Variants in CNGB3 observed in about 807,000 individuals in gnomAD.
The protein encoded by CNGB3 is cyclic nucleotide-gated channel beta-3.
In CNGB3, 86 loss-of-function variants were observed where a neutral mutation model predicts 92.8. The observed-to-expected ratio is 0.93, with a 90% confidence interval of 0.78 to 1.11. CNGB3 has a LOEUF of 1.11. CNGB3 is among the 50% of genes least tolerant of loss of function. The probability of loss-of-function intolerance (pLI) is 0.00; values close to 1 mark genes in which losing one functional copy is unlikely to be tolerated. For synonymous variants in CNGB3, 333 were observed against 332.7 expected (o/e 1.00, Z -0.01); for missense variants, 1,026 against 956.8 (o/e 1.07, Z -0.95).
At chr8:86,678,375 CT>C (rs1360462083) in intron 3 of CNGB3, among the ~76,000 whole-genome samples, 1 of 152,188 alleles carries the variant, frequency 6.6e-6, no homozygotes, top group African/African-American at 2.4e-5. Context: ...ACTTCACTCC[CT>C]TTTCACATTC....
At chr8:86,598,303 T>G (rs1431715987) in intron 15 of CNGB3, among the ~76,000 whole-genome samples, 1 of 152,196 alleles carries the variant, frequency 6.6e-6, no homozygotes, top group South Asian at 2.1e-4. Flanking sequence ...GAGAGATGGA[T>G]GAACTGAAGT....
chr8:86,602,635 A>T (rs1396653044), intron 15 of CNGB3, among the ~76,000 whole-genome samples: 1 of 152,162 alleles, frequency 6.6e-6, no homozygotes, highest in Non-Finnish European at 1.5e-5. Context: ...TGAATATATT[A>T]ATAACTGCCT....
At chr8:86,734,957 A>C (rs1324267912) in intron 2 of CNGB3, among the ~76,000 whole-genome samples, 1 of 151,278 alleles carries the variant, frequency 6.6e-6, no homozygotes, top group Non-Finnish European at 1.5e-5. Context: ...TGACACTCAA[A>C]GATGTTAAAT....
chr8:86,687,750 C>T (rs35362654), intron 3 of CNGB3, among the ~76,000 whole-genome samples: 24,798 of 151,862 alleles, frequency 0.16, 2,542 homozygotes, highest in South Asian at 0.29. Context: ...ACTCAATAAA[C>T]ACTTCTTGAT....
intron 13 of CNGB3, among the ~76,000 whole-genome samples, chr8:86,620,371 C>T (rs1006764968): frequency 6.6e-6 from 1 of 152,102 alleles, no homozygotes; most frequent in African/African-American, 2.4e-5. Flanking sequence ...CTTCTGTGGC[C>T]TCTCTGCTTG....
At chr8:86,740,036 A>G (rs1234293002) in intron 1 of CNGB3, among the ~76,000 whole-genome samples, 1 of 152,164 alleles carries the variant, frequency 6.6e-6, no homozygotes, top group Non-Finnish European at 1.5e-5. Context: ...CTAGGTCTTT[A>G]GTGGTAGAAC....
At chr8:86,585,313 G>GTATA (rs141651491) in intron 15 of CNGB3, among the ~76,000 whole-genome samples, 1 of 150,244 alleles carries the variant, frequency 6.7e-6, no homozygotes, top group Non-Finnish European at 1.5e-5. Context: ...TTGTGTGTAT[G>GTATA]TATATATATA....
At chr8:86,631,813 T>G (rs891872526) in intron 11 of CNGB3, among the ~76,000 whole-genome samples, 6 of 152,182 alleles carry the variant, frequency 3.9e-5, no homozygotes, top group Non-Finnish European at 5.9e-5. Context: ...CATATCCCCG[T>G]GTATCTGTAT....
At chr8:86,649,663 G>A (rs1457201727) in intron 7 of CNGB3, among the ~76,000 whole-genome samples, 1 of 151,500 alleles carries the variant, frequency 6.6e-6, no homozygotes, top group Non-Finnish European at 1.5e-5. Context: ...ATAAATCAAA[G>A]ACTTAAATCT....
At chr8:86,637,551 G>A (rs1823096074) in intron 10 of CNGB3, among the ~76,000 whole-genome samples, 1 of 151,968 alleles carries the variant, frequency 6.6e-6, no homozygotes, top group Non-Finnish European at 1.5e-5. Flanking sequence ...GTGAGTAGTT[G>A]GGACATTTTA....
At chr8:86,737,464 G>A (rs562921312) in intron 2 of CNGB3, among the ~76,000 whole-genome samples, 18 of 152,262 alleles carry the variant, frequency 1.2e-4, no homozygotes, top group African/African-American at 4.3e-4. Flanking sequence ...AAGTATGAGA[G>A]TGGGGCCATT....
At chr8:86,595,058 G>A (rs190359996) in intron 15 of CNGB3, among the ~76,000 whole-genome samples, 4 of 152,262 alleles carry the variant, frequency 2.6e-5, no homozygotes, top group Admixed American at 2.0e-4. Flanking sequence ...TACAGACAAG[G>A]AACTGAGGTC....
chr8:86,578,561 G>T (rs542517675), intron 17 of CNGB3, 128 bp downstream of exon 17: 1 of 877,214 alleles, frequency 1.1e-6, no homozygotes, highest in Non-Finnish European at 1.9e-6. Context: ...TATAAAGCAG[G>T]AAGTATTAGT....
chr8:86,602,950 T>G (rs1822336963), intron 15 of CNGB3, among the ~76,000 whole-genome samples: 1 of 152,190 alleles, frequency 6.6e-6, no homozygotes, highest in African/African-American at 2.4e-5. Flanking sequence ...CTCCCCAGTG[T>G]TCTTATTCAC....
At chr8:86,611,764 A>G in intron 13 of CNGB3, 93 bp from the exon 14 acceptor site, 1 of 911,016 alleles carries the variant, frequency 1.1e-6, no homozygotes, top group Middle Eastern at 3.1e-4. Flanking sequence ...AGTAATATAT[A>G]TTGTCTGCAT....
At chr8:86,589,130 G>T (rs1462684564) in intron 15 of CNGB3, among the ~76,000 whole-genome samples, 1 of 150,724 alleles carries the variant, frequency 6.6e-6, no homozygotes, top group Admixed American at 6.6e-5. Context: ...TTGCGTAGAG[G>T]TGTTTGTAGT....
chr8:86,664,529 G>T (rs1823705036), intron 6 of CNGB3, among the ~76,000 whole-genome samples: 2 of 152,176 alleles, frequency 1.3e-5, no homozygotes, highest in African/African-American at 4.8e-5. Flanking sequence ...CTGGGGAAGG[G>T]GCTTGGGGTA....
In CNGB3 at chr8:86,582,309, G is replaced by A. The variant is rs892878979; in HGVS notation, c.1782-3057C>T. Reference sequence around the variant, plus strand: ...CTTGTGAGGCTGAGGAGGGAGAATCGCTTGAGCTCAGAGGGTGGAGGTTGC... The same window carrying A: ...CTTGTGAGGCTGAGGAGGGAGAATCACTTGAGCTCAGAGGGTGGAGGTTGC... On this transcript the variant is annotated intron_variant, in intron 15 of 17. Transcript: ENST00000320005. Among the ~76,000 whole-genome samples the A allele has an allele frequency of 5.9e-5, 9 of 151,542 alleles. No individual in the cohort carries two copies. In the East Asian group the frequency reaches 1.4e-3, roughly 23 times the overall value.
chr8:86,644,092 A>G (rs1823245398), intron 9 of CNGB3, among the ~76,000 whole-genome samples: 1 of 151,176 alleles, frequency 6.6e-6, no homozygotes, highest in South Asian at 2.1e-4. Context: ...AAAAAAAGAA[A>G]AAGAAAACTT....
Sources: allele counts gnomAD v4.1 joint callset (sites outside exome capture counted in the v4.1 genomes callset), GRCh38; gene constraint gnomAD v4.1.1; transcripts MANE v1.5; gene names NCBI Gene and HGNC (gene_info 2026-07-23, HGNC 2026-07-21).